Variants in GIT2 observed in about 807,000 individuals in gnomAD.
GIT2 encodes GIT ArfGAP 2.
GIT2 carries 32 observed loss-of-function variants against 100.3 expected under a neutral mutation model. That is an observed-to-expected ratio of 0.32 (90% CI 0.24 to 0.43). GIT2 has a LOEUF of 0.43. Ranked by LOEUF, GIT2 falls within the 20% of genes least tolerant of loss-of-function variation. GIT2 has a pLI of 1.00. For missense variants in GIT2, 737 were observed against 975.1 expected, an observed-to-expected ratio of 0.76 and a Z score of 3.25; for synonymous variants, 353 against 364.1, an observed-to-expected ratio of 0.97 and a Z score of 0.35.
At position 109,980,976 on chromosome 12, in the gene GIT2, A is replaced by G. The variant is rs1165585974; in HGVS notation, c.694T>C (p.Phe232Leu). 6.2e-7 allele frequency: 1 copy of G among 1,609,980 alleles called. No homozygotes were observed. Among genetic ancestry groups the G allele is most frequent in the Admixed American group, 1.7e-5 (1 of 60,012 alleles). ...IQYELTDRLA[F>L]YLCGRKPDHK... ...CCTGGTTTCCTGCCACAGAGATAGA[A>G]GGCTAGTCTGTCCGTTAGCTCATAC... Residue 232 changes from phenylalanine (F) to leucine (L), a missense_variant, in exon 7 of 20, where the codon TTC (phenylalanine) becomes CTC (leucine). Phe to Leu is a conservative substitution (Grantham distance 22). Transcript: ENST00000355312.
chr12:109,940,334 C>A (rs1409661729), intron 16 of GIT2: 1 of 152,210 alleles, frequency 6.6e-6, no homozygotes, highest in African/African-American at 2.4e-5. Context: ...GAGAACTTCT[C>A]TGGAACAGAG....
intron 1 of GIT2, among the ~76,000 whole-genome samples, chr12:109,994,265 A>T (rs1346004273): frequency 1.3e-5 from 2 of 152,208 alleles, no homozygotes; most frequent in African/African-American, 2.4e-5. Context: ...ACATAGTAAA[A>T]TAAAAATGTT....
chr12:109,937,668 C>T (rs772642829), intron 18 of GIT2, among the ~76,000 whole-genome samples: 1 of 152,158 alleles, frequency 6.6e-6, no homozygotes, highest in Non-Finnish European at 1.5e-5. Flanking sequence ...ACAGCCTCCC[C>T]TCTCAAGTGC....
At chr12:109,960,933 T>A (rs1258118091) in intron 11 of GIT2, among the ~76,000 whole-genome samples, 3 of 152,236 alleles carry the variant, frequency 2.0e-5, no homozygotes, top group Non-Finnish European at 4.4e-5. Flanking sequence ...GCTTACCACA[T>A]CCTTACCAGT....
intron 3 of GIT2, among the ~76,000 whole-genome samples, chr12:109,989,480 G>A (rs1253039535): frequency 6.6e-6 from 1 of 152,084 alleles, no homozygotes; most frequent in Non-Finnish European, 1.5e-5. Context: ...TCCAACTGAG[G>A]AAGCCACTTA....
chr12:109,984,808 C>T (rs958236988), intron 4 of GIT2, among the ~76,000 whole-genome samples: 2 of 152,082 alleles, frequency 1.3e-5, no homozygotes, highest in Non-Finnish European at 2.9e-5. Flanking sequence ...AATACAAATG[C>T]TATAATAACA....
intron 7 of GIT2, among the ~76,000 whole-genome samples, chr12:109,979,028 T>C (rs1885726392): frequency 6.6e-6 from 1 of 152,226 alleles, no homozygotes; most frequent in African/African-American, 2.4e-5. Flanking sequence ...TTCTGCCTCC[T>C]GGGCAGATGG....
chr12:109,964,594 A>T (rs151278142), intron 9 of GIT2, among the ~76,000 whole-genome samples: 1 of 146,268 alleles, frequency 6.8e-6, no homozygotes, highest in Admixed American at 6.9e-5. Context: ...TGTGCAGCTC[A>T]TGGCCTCAGA....
chr12:109,997,131 G>A (rs1368873121), upstream of GIT2, among the ~76,000 whole-genome samples: 3 of 151,312 alleles, frequency 2.0e-5, no homozygotes, highest in Non-Finnish European at 4.4e-5. Flanking sequence ...CTTGAACCCA[G>A]GGGGTGGAGG....
chr12:109,981,175 T>C, intron 6 of GIT2, 129 bp from the exon 7 acceptor site: 1 of 688,394 alleles, frequency 1.5e-6, no homozygotes, highest in Non-Finnish European at 2.6e-6. Flanking sequence ...ATCAACCTTC[T>C]TGTGGTAGGT....
intron 14 of GIT2, among the ~76,000 whole-genome samples, chr12:109,949,503 T>G (rs1877260206): frequency 6.6e-6 from 1 of 152,238 alleles, no homozygotes; most frequent in African/African-American, 2.4e-5. Context: ...GAGAGATGTC[T>G]TCACATAAAT....
chr12:109,973,080 G>A (rs758800899), intron 7 of GIT2, among the ~76,000 whole-genome samples: 12 of 151,664 alleles, frequency 7.9e-5, no homozygotes, highest in Admixed American at 2.0e-4. Context: ...CTCCTACTTC[G>A]GCCTTTCAAA....
At chr12:109,977,982 T>C (rs1018297027) in intron 7 of GIT2, among the ~76,000 whole-genome samples, 1 of 152,212 alleles carries the variant, frequency 6.6e-6, no homozygotes, top group African/African-American at 2.4e-5. Context: ...CAGTTTGATT[T>C]TGATGTGTCT....
At chr12:109,974,168 T>A (rs1399855517) in intron 7 of GIT2, among the ~76,000 whole-genome samples, 1 of 152,204 alleles carries the variant, frequency 6.6e-6, no homozygotes, top group East Asian at 1.9e-4. Flanking sequence ...GCATTTTCAT[T>A]TTCATTCAGT....
Position 109,996,195 on chromosome 12 carries a change from C to A in GIT2, c.30G>T (p.Val10=). The change falls in exon 1 of 20, where the codon GTG becomes GTT. Residue 10 remains valine, a synonymous_variant. Coordinates refer to ENST00000355312, the MANE Select transcript of GIT2 (RefSeq NM_057169.5). ...CACCCGGCCCGCTGCAGTCAGCGCA[C>A]ACCTCGCTGCTCCGGAGCCGTTTCG... is the stretch of plus-strand genomic sequence containing the variant. The part of the protein sequence containing the change: MSKRLRSSE[V]CADCSGPDPS... 6.5e-7 allele frequency: 1 copy of A among 1,531,764 alleles called. No homozygotes were observed. The highest frequency in any genetic ancestry group is 8.8e-7 in the Non-Finnish European group (1 of 1,139,540). 94.9% of individuals were successfully genotyped at this position (1,531,764 alleles called of 1,614,324 possible).
At position 109,949,306 on chromosome 12, in the gene GIT2, A is replaced by G. The variant is rs192354532; in HGVS notation, c.1393-1802T>C. ...GTGTGTAACTGACACAGGTCCCTCA[A>G]TGGGGCACTGGTGCATGTGATCACG... On this transcript the variant is annotated intron_variant, in intron 14 of 19. Coordinates refer to ENST00000355312, the MANE Select transcript of GIT2 (RefSeq NM_057169.5). 1.1e-4 allele frequency among the ~76,000 whole-genome samples: 16 copies of G among 152,356 alleles called. No individual in the cohort carries two copies. The East Asian group carries it at 1.7e-3, about 17-fold the overall frequency.
intron 7 of GIT2, among the ~76,000 whole-genome samples, 183 bp from the exon 8 acceptor site, chr12:109,967,686 T>C (rs1882848650): frequency 2.0e-5 from 3 of 152,200 alleles, no homozygotes; most frequent in Admixed American, 2.0e-4. Flanking sequence ...CATAGCCTTG[T>C]TTTTTTCTGG....
intron 2 of GIT2, among the ~76,000 whole-genome samples, chr12:109,990,795 G>A (rs1431220521): frequency 6.6e-6 from 1 of 152,134 alleles, no homozygotes; most frequent in Non-Finnish European, 1.5e-5. Context: ...TATTCTACAT[G>A]CAATCAAAAC....
upstream of GIT2, chr12:109,999,506 G>C (rs1205265257): frequency 3.1e-6 from 1 of 317,494 alleles, no homozygotes; most frequent in African/African-American, 2.2e-5. The surrounding 1 kb of genome is among the most constrained non-coding windows in gnomAD (Gnocchi z 4.3). Context: ...CCTGGTCCCT[G>C]AGCCGGCCGG....
Sources: allele counts gnomAD v4.1 joint callset (sites outside exome capture counted in the v4.1 genomes callset), GRCh38; gene constraint gnomAD v4.1.1; non-coding constraint Gnocchi (gnomAD v3.1); transcripts MANE v1.5; gene names NCBI Gene and HGNC (gene_info 2026-07-23, HGNC 2026-07-21).